PTH2R: variants seen among roughly 807,000 people sequenced by gnomAD.
PTH2R encodes the protein PTH2 receptor.
Under a neutral mutation model 60.3 loss-of-function variants are expected in PTH2R, and 59 were observed. The ratio of observed to expected loss-of-function variants is 0.98; its 90% CI spans 0.79 to 1.22. The LOEUF (loss-of-function observed/expected upper bound fraction) is 1.22. Among genes scored for constraint, PTH2R ranks in the 50% most tolerant of loss-of-function variants. The pLI is 0.00. For synonymous variants in PTH2R, 256 were observed against 243.8 expected (o/e 1.05, Z -0.47); for missense variants, 749 against 682.6 (o/e 1.10, Z -1.08).
chr2:208,362,103 A>C (rs1032711207), intron 1 of PTH2R, among the ~76,000 whole-genome samples: 1 of 152,226 alleles, frequency 6.6e-6, no homozygotes, highest in Admixed American at 6.5e-5. Context: ...ATCTTCTGCC[A>C]TCAGACATCA....
At position 208,493,634 on chromosome 2, in the gene PTH2R, A is replaced by G. The variant is rs752205038; in HGVS notation, c.1628A>G (p.Gln543Arg). ...MESNPDTEGC[Q>R]GETEDVL Reference sequence around the variant, plus strand: ...TCTAACCCAGACACTGAAGGATGCCAAGGAGAAACTGAGGATGTTCTCTGA... The same window carrying G: ...TCTAACCCAGACACTGAAGGATGCCGAGGAGAAACTGAGGATGTTCTCTGA... The change falls in exon 13 of 13, where the codon CAA becomes CGA. Residue 543 changes from glutamine to arginine, a missense_variant. Transcript: ENST00000272847. The G allele has an allele frequency of 3.8e-6, 6 of 1,561,032 alleles. No individual in the cohort carries two copies. The highest frequency in any genetic ancestry group is 3.6e-5 in the South Asian group (3 of 82,974).
At chr2:208,459,874 A>T in intron 8 of PTH2R, 21 bp from the exon 9 acceptor site, 1 of 1,610,172 alleles carries the variant, frequency 6.2e-7, no homozygotes, top group Non-Finnish European at 8.5e-7. Flanking sequence ...TATTCATGAC[A>T]GCTTTTTTTC....
At chr2:208,474,881 G>A (rs1702965475) in intron 9 of PTH2R, among the ~76,000 whole-genome samples, 1 of 152,180 alleles carries the variant, frequency 6.6e-6, no homozygotes, top group African/African-American at 2.4e-5. Context: ...TCTGACATCT[G>A]TATGAGAGAC....
At chr2:208,488,897 AAAGT>A (rs1424737872) in intron 10 of PTH2R, 111 bp from the exon 11 acceptor site, 1 of 1,056,486 alleles carries the variant, frequency 9.5e-7, no homozygotes, top group Non-Finnish European at 1.3e-6. Flanking sequence ...AGATAAAAAG[AAAGT>A]GTCAGCCCCA....
chr2:208,418,772 T>A (rs933449906), intron 1 of PTH2R, among the ~76,000 whole-genome samples: 1 of 152,186 alleles, frequency 6.6e-6, no homozygotes, highest in African/African-American at 2.4e-5. Context: ...ATTCAATTTA[T>A]ACTCTCTGCA....
At chr2:208,371,951 T>G (rs944486613) in intron 1 of PTH2R, among the ~76,000 whole-genome samples, 1 of 152,060 alleles carries the variant, frequency 6.6e-6, no homozygotes, top group Admixed American at 6.5e-5. Context: ...AGATGGAGTC[T>G]CACTCTGTCA....
At chr2:208,467,951 C>T (rs1428792003) in intron 9 of PTH2R, among the ~76,000 whole-genome samples, 2 of 152,202 alleles carry the variant, frequency 1.3e-5, no homozygotes, top group East Asian at 3.9e-4. Flanking sequence ...CCATTTTCAA[C>T]AGGGAGAATG....
At chr2:208,413,027 C>T (rs1012592478) in intron 1 of PTH2R, among the ~76,000 whole-genome samples, 2 of 152,054 alleles carry the variant, frequency 1.3e-5, no homozygotes, top group African/African-American at 4.8e-5. Context: ...CATCTCCTCT[C>T]AATCCCACTC....
intron 9 of PTH2R, among the ~76,000 whole-genome samples, chr2:208,475,038 G>A (rs951657023): frequency 8.5e-5 from 13 of 152,198 alleles, no homozygotes; most frequent in African/African-American, 1.2e-4. Flanking sequence ...GGCAGCAAGC[G>A]TGATGGCAAT....
Position 208,442,377 on chromosome 2 carries a change from A to C in PTH2R, c.425A>C (p.Glu142Ala). Residue 142 changes from glutamate (E) to alanine (A), a missense_variant, in exon 5 of 13, where the codon GAA becomes GCA. Transcript: ENST00000272847. Reference protein sequence around the residue: ...DISIGKQEFFERLYVMYTVGY... With the variant: ...DISIGKQEFFARLYVMYTVGY... ...CTTCCCTTGCAGCAAGAATTCTTTGAACGCCTCTATGTAATGTATACCGTT... is the reference window on the plus strand; with the variant it reads ...CTTCCCTTGCAGCAAGAATTCTTTGCACGCCTCTATGTAATGTATACCGTT... The C allele has an allele frequency of 6.2e-7, 1 of 1,611,678 alleles. No individual in the cohort carries two copies. Among genetic ancestry groups the C allele is most frequent in the Non-Finnish European group, 8.5e-7 (1 of 1,177,870 alleles).
chr2:208,460,262 G>A (rs1456146119), intron 9 of PTH2R, among the ~76,000 whole-genome samples: 1 of 152,074 alleles, frequency 6.6e-6, no homozygotes, highest in Non-Finnish European at 1.5e-5. Flanking sequence ...TTTCATCCAC[G>A]ATATTATTTT....
chr2:208,476,557 G>T (rs1226984685), intron 9 of PTH2R, among the ~76,000 whole-genome samples: 2 of 152,120 alleles, frequency 1.3e-5, no homozygotes, highest in Admixed American at 6.5e-5. Flanking sequence ...AGATCAGGGA[G>T]TTTATTACCT....
intron 9 of PTH2R, among the ~76,000 whole-genome samples, chr2:208,472,214 G>C (rs1401944031): frequency 6.6e-6 from 1 of 152,168 alleles, no homozygotes; most frequent in Non-Finnish European, 1.5e-5. Context: ...TTGGGGGCCT[G>C]TTGGGAAGGT....
chr2:208,492,701 A>G (rs1703430918), intron 12 of PTH2R, among the ~76,000 whole-genome samples: 1 of 152,130 alleles, frequency 6.6e-6, no homozygotes, highest in Non-Finnish European at 1.5e-5. Flanking sequence ...GCCCTAAGAA[A>G]GGGGAGTCAT....
chr2:208,483,322 C>G (rs1703199964), intron 10 of PTH2R, among the ~76,000 whole-genome samples: 1 of 152,054 alleles, frequency 6.6e-6, no homozygotes, highest in Non-Finnish European at 1.5e-5. Flanking sequence ...AGACATAGGC[C>G]AAAGGATAGA....
intron 1 of PTH2R, chr2:208,360,697 C>CAGGGTT (rs1700452808): frequency 6.5e-6 from 1 of 153,020 alleles, no homozygotes; most frequent in African/African-American, 2.4e-5. Flanking sequence ...AGGTGGGGGC[C>CAGGGTT]AGGGTTGCAA....
intron 1 of PTH2R, among the ~76,000 whole-genome samples, chr2:208,397,389 T>C (rs1233522764): frequency 1.3e-5 from 2 of 152,208 alleles, no homozygotes; most frequent in Non-Finnish European, 2.9e-5. Flanking sequence ...TGATGAATGC[T>C]GTACCTTGGA....
upstream of PTH2R, among the ~76,000 whole-genome samples, chr2:208,402,054 C>T (rs377116988): frequency 2.7e-4 from 41 of 152,172 alleles, 1 homozygote; most frequent in East Asian, 4.0e-3. Context: ...CATGTCTTAG[C>T]CAGGCTTTGA....
chr2:208,437,956 C>G, intron 4 of PTH2R, 75 bp downstream of exon 4: 2 of 1,533,478 alleles, frequency 1.3e-6, no homozygotes, highest in Non-Finnish European at 1.8e-6. Context: ...CAATTGCCAG[C>G]CATTATGTAT....
Sources: allele counts gnomAD v4.1 joint callset (sites outside exome capture counted in the v4.1 genomes callset), GRCh38; gene constraint gnomAD v4.1.1; transcripts MANE v1.5; gene names NCBI Gene and HGNC (gene_info 2026-07-23, HGNC 2026-07-21).